The following OPHN1 variants were observed in gnomAD, a reference collection of about 807,000 sequenced individuals.
OPHN1 encodes oligophrenin-1.
Under a neutral mutation model 60.7 loss-of-function variants are expected in OPHN1, and 11 were observed. The ratio of observed to expected loss-of-function variants is 0.18; its 90% CI spans 0.11 to 0.30. The LOEUF is 0.30. Ranked by LOEUF, OPHN1 falls within the 10% of genes least tolerant of loss-of-function variation. The probability of loss-of-function intolerance (pLI) is 1.00; values close to 1 mark genes in which losing one functional copy is unlikely to be tolerated. For missense variants in OPHN1, 449 were observed against 611.0 expected, an observed-to-expected ratio of 0.73 and a Z score of 2.80; for synonymous variants, 226 against 222.6, an observed-to-expected ratio of 1.02 and a Z score of -0.14.
chrX:68,278,237 T>C (rs1194282056), intron 4 of OPHN1, among the ~76,000 whole-genome samples: 2 of 112,724 alleles, frequency 1.8e-5, no homozygotes, highest in East Asian at 5.6e-4. Flanking sequence ...CTTAGGAATG[T>C]AGAAAAAAGT....
At chrX:68,233,060 T>C (rs1408050046) in intron 6 of OPHN1, among the ~76,000 whole-genome samples, 2 of 110,299 alleles carry the variant, frequency 1.8e-5, no homozygotes, top group Admixed American at 1.9e-4. Context: ...TCCTAAGTAA[T>C]TGAGATTACA....
chrX:68,183,441 C>T (rs776739395), intron 15 of OPHN1, among the ~76,000 whole-genome samples: 8 of 111,923 alleles, frequency 7.1e-5, no homozygotes, highest in South Asian at 7.5e-4. Flanking sequence ...TTTACAAAGA[C>T]GAAGGTATCC....
At chrX:68,083,050 G>GTTTTT (rs1569206967) in intron 19 of OPHN1, among the ~76,000 whole-genome samples, 11 of 40,999 alleles carry the variant, frequency 2.7e-4, no homozygotes, top group South Asian at 2.1e-3. Flanking sequence ...ACCTCTGCTA[G>GTTTTT]TTTCTTTTTT....
intron 2 of OPHN1, among the ~76,000 whole-genome samples, chrX:68,372,685 A>G: frequency 9.0e-6 from 1 of 110,753 alleles, no homozygotes. Flanking sequence ...ACAATAAAAC[A>G]TTTGTTTTGC....
intron 12 of OPHN1, among the ~76,000 whole-genome samples, chrX:68,194,993 AG>A (rs2077505125): frequency 2.3e-5 from 2 of 85,801 alleles, no homozygotes; most frequent in Admixed American, 1.3e-4. Flanking sequence ...AGAAAGAGAG[AG>A]AGAGAAAGAA....
At chrX:68,193,776 A>T in intron 14 of OPHN1, 114 bp downstream of exon 14, 1 of 640,577 alleles carries the variant, frequency 1.6e-6, no homozygotes, top group Non-Finnish European at 2.6e-6. Context: ...TGCATCTACT[A>T]CACAAGCTTT....
chrX:68,260,853 T>C lies in OPHN1; in HGVS notation c.384+13885A>G, dbSNP rs144440550. 1.2e-3 allele frequency among the ~76,000 whole-genome samples: 139 copies of C among 111,643 alleles called. 1 individual carries two copies. The highest frequency in any genetic ancestry group is 4.2e-3 in the African/African-American group (129 of 30,748). ...GGTTTGCTGATGTTTCCTTCCCCTCTTTCCCAGAGCAAGCACTGGCCTTTG... is the reference window on the plus strand; with the variant it reads ...GGTTTGCTGATGTTTCCTTCCCCTCCTTCCCAGAGCAAGCACTGGCCTTTG... On this transcript the variant is annotated intron_variant, in intron 5 of 24. Transcript: ENST00000355520.
intron 15 of OPHN1, among the ~76,000 whole-genome samples, chrX:68,170,845 A>G (rs1195112167): frequency 9.4e-6 from 1 of 106,094 alleles, no homozygotes; most frequent in Admixed American, 1.0e-4. Context: ...TGACGAGTTA[A>G]TGGGTGCAGC....
chrX:68,163,428 CTGTGTG>C (rs10549662), intron 15 of OPHN1, among the ~76,000 whole-genome samples: 17 of 85,269 alleles, frequency 2.0e-4, no homozygotes, highest in Non-Finnish European at 3.0e-4. Context: ...AAAATCCATT[CTGTGTG>C]TGTGTGTGTG....
chrX:68,083,436 G>C (rs2076983135), intron 19 of OPHN1, among the ~76,000 whole-genome samples: 1 of 111,840 alleles, frequency 8.9e-6, no homozygotes, highest in South Asian at 3.7e-4. Context: ...TTCACAGATT[G>C]AAGAGTTACA....
intron 15 of OPHN1, among the ~76,000 whole-genome samples, chrX:68,129,436 T>A (rs1228517907): frequency 8.9e-6 from 1 of 111,998 alleles, no homozygotes; most frequent in Non-Finnish European, 1.9e-5. Context: ...GCAGTTTGCA[T>A]TTAAAAAAAT....
chrX:68,317,495 G>A (rs1480964238), intron 2 of OPHN1, among the ~76,000 whole-genome samples: 1 of 87,796 alleles, frequency 1.1e-5, no homozygotes, highest in South Asian at 6.5e-4. Flanking sequence ...GAGAGGGAGG[G>A]AGAGAGGGAG....
At chrX:68,090,231 A>AGTGTGTGT (rs2077011569) in intron 19 of OPHN1, among the ~76,000 whole-genome samples, 2 of 75,851 alleles carry the variant, frequency 2.6e-5, no homozygotes, top group Admixed American at 2.6e-4. Context: ...CCCCCCACCA[A>AGTGTGTGT]GTGTGTGTGT....
chrX:68,362,949 T>C (rs1038710959), intron 2 of OPHN1, among the ~76,000 whole-genome samples: 1 of 111,050 alleles, frequency 9.0e-6, no homozygotes, highest in Admixed American at 9.7e-5. Flanking sequence ...TGAAACTGCT[T>C]TGAAAAATAG....
At chrX:68,290,473 C>A (rs969327602) in intron 3 of OPHN1, among the ~76,000 whole-genome samples, 2 of 110,366 alleles carry the variant, frequency 1.8e-5, no homozygotes, top group African/African-American at 6.6e-5. Context: ...GTGGTGAGCA[C>A]CTGTAATCCC....
At chrX:68,175,117 A>G (rs924392675) in intron 15 of OPHN1, among the ~76,000 whole-genome samples, 2 of 110,548 alleles carry the variant, frequency 1.8e-5, no homozygotes, top group East Asian at 5.7e-4. Flanking sequence ...CAAAACCTGT[A>G]AAATATTCAG....
chrX:68,411,345 T>C (rs764676949), intron 2 of OPHN1, among the ~76,000 whole-genome samples: 2 of 112,330 alleles, frequency 1.8e-5, no homozygotes, highest in South Asian at 7.4e-4. Context: ...CTGTTCTAAG[T>C]TCTTTGAGAA....
chrX:68,105,305 G>A (rs2077076617), intron 18 of OPHN1, among the ~76,000 whole-genome samples: 1 of 110,445 alleles, frequency 9.1e-6, no homozygotes, highest in African/African-American at 3.3e-5. Flanking sequence ...TCTCATTACT[G>A]AGTATATACC....
chrX:68,227,174 T>C (rs930042087), intron 6 of OPHN1, among the ~76,000 whole-genome samples: 1 of 111,368 alleles, frequency 9.0e-6, no homozygotes, highest in African/African-American at 3.3e-5. Flanking sequence ...CATTACATAA[T>C]GGTAAAGGAA....
Sources: allele counts gnomAD v4.1 joint callset (sites outside exome capture counted in the v4.1 genomes callset), GRCh38; gene constraint gnomAD v4.1.1; transcripts MANE v1.5; gene names NCBI Gene and HGNC (gene_info 2026-07-23, HGNC 2026-07-21).